The following GRP variants were observed in gnomAD, a reference collection of about 807,000 sequenced individuals.
GRP encodes the protein gastrin-releasing peptide.
Under a neutral mutation model 12.7 loss-of-function variants are expected in GRP, and 11 were observed. The ratio of observed to expected loss-of-function variants is 0.87; its 90% CI spans 0.55 to 1.44. GRP has a LOEUF of 1.44. Ranked by LOEUF, GRP falls within the 40% of genes most tolerant of loss-of-function variation. GRP has a pLI of 0.00. For synonymous variants in GRP, 84 were observed against 77.7 expected, an observed-to-expected ratio of 1.08 and a Z score of -0.43; for missense variants, 212 against 185.4, an observed-to-expected ratio of 1.14 and a Z score of -0.83.
At chr18:59,226,962 A>C (rs2069931414) in intron 2 of GRP, among the ~76,000 whole-genome samples, 1 of 126,036 alleles carries the variant, frequency 7.9e-6, no homozygotes, top group Non-Finnish European at 1.8e-5. Flanking sequence ...TTCCTTTCTT[A>C]CAAGTTCTGG....
intron 1 of GRP, among the ~76,000 whole-genome samples, chr18:59,223,941 T>A (rs1486429344): frequency 6.6e-6 from 1 of 152,220 alleles, no homozygotes. Flanking sequence ...ATAAGCAATT[T>A]GGCAAATGCT....
Position 59,220,333 on chromosome 18 carries a change from C to A in GRP, c.68C>A (p.Ala23Glu). 6.7e-7 allele frequency: 1 copy of A among 1,492,856 alleles called. No individual in the cohort carries two copies. Among genetic ancestry groups the A allele is most frequent in the Non-Finnish European group, 8.9e-7 (1 of 1,124,540 alleles). 92.5% of individuals were successfully genotyped at this position (1,492,856 alleles called of 1,614,324 possible). A position where few individuals can be genotyped will look rare whatever the true frequency, so the allele number is the denominator to read the frequency against. The change falls in exon 1 of 3, where the codon GCG (alanine) becomes GAG (glutamate). Residue 23 changes from alanine to glutamate, a missense_variant. Transcript: ENST00000256857. The part of the protein sequence containing the change: ...LVLCLAPRGR[A>E]VPLPAGGGTV... ...CTCTGCCTGGCGCCCCGGGGGCGAGCGGTCCCGCTGCCTGCGGGCGGAGGG... is the reference window on the plus strand; with the variant it reads ...CTCTGCCTGGCGCCCCGGGGGCGAGAGGTCCCGCTGCCTGCGGGCGGAGGG...
intron 1 of GRP, 90 bp from the exon 2 acceptor site, chr18:59,225,402 C>A: frequency 4.0e-6 from 5 of 1,250,060 alleles, no homozygotes. Context: ...AGCACAAACA[C>A]AATTAGCTTT....
intron 1 of GRP, 46 bp downstream of exon 1, chr18:59,220,450 TCAGC>T (rs1296102077): frequency 7.6e-7 from 1 of 1,324,150 alleles, no homozygotes; most frequent in African/African-American, 1.5e-5. Context: ...CTCCTCTGGA[TCAGC>T]CAGCCGGAGG....
At chr18:59,219,789 C>T (rs897769695), upstream of GRP, among the ~76,000 whole-genome samples, 2 of 152,114 alleles carry the variant, frequency 1.3e-5, no homozygotes, top group Non-Finnish European at 2.9e-5. Flanking sequence ...CTACACCCCC[C>T]ACCCCTCCCG....
intron 2 of GRP, among the ~76,000 whole-genome samples, chr18:59,226,912 T>C (rs1227521983): frequency 6.6e-6 from 1 of 152,152 alleles, no homozygotes; most frequent in Non-Finnish European, 1.5e-5. Context: ...GGGTCTATTC[T>C]GGTCTTTCTC....
intron 2 of GRP, among the ~76,000 whole-genome samples, chr18:59,227,125 A>G (rs1462093345): frequency 4.4e-5 from 6 of 137,636 alleles, no homozygotes; most frequent in Non-Finnish European, 7.6e-5. Context: ...AGGACTGGCT[A>G]TGTTGCCCAT....
chr18:59,219,511 A>AGGGAG (rs1449553764), upstream of GRP, among the ~76,000 whole-genome samples: 1 of 28,592 alleles, frequency 3.5e-5, no homozygotes, highest in Non-Finnish European at 6.4e-5. Context: ...GAGGAGGGGA[A>AGGGAG]GGGAGGGGAG....
At chr18:59,225,873 C>A (rs2069912900) in intron 2 of GRP, 139 bp downstream of exon 2, 1 of 661,662 alleles carries the variant, frequency 1.5e-6, no homozygotes. Context: ...ACATGCTAAG[C>A]ACATTGACAG....
intron 1 of GRP, among the ~76,000 whole-genome samples, 165 bp from the exon 2 acceptor site, chr18:59,225,327 A>C (rs2069899757): frequency 6.6e-6 from 1 of 152,200 alleles, no homozygotes; most frequent in Non-Finnish European, 1.5e-5. Context: ...AGAGAGCAAA[A>C]TCTATCTGTC....
At chr18:59,229,030 C>T (rs1263792835) in intron 2 of GRP, among the ~76,000 whole-genome samples, 1 of 152,222 alleles carries the variant, frequency 6.6e-6, no homozygotes, top group Admixed American at 6.5e-5. Context: ...GGACTGCTCT[C>T]ACTGTCTCAT....
chr18:59,223,376 T>C (rs1183172353), intron 1 of GRP, among the ~76,000 whole-genome samples: 1 of 152,216 alleles, frequency 6.6e-6, no homozygotes, highest in African/African-American at 2.4e-5. Context: ...CCTGGGATGT[T>C]ACAGATAGCG....
At chr18:59,222,433 T>C (rs1340151688) in intron 1 of GRP, among the ~76,000 whole-genome samples, 1 of 152,172 alleles carries the variant, frequency 6.6e-6, no homozygotes, top group Non-Finnish European at 1.5e-5. Flanking sequence ...TTCTCTCCCT[T>C]TGATAACTGT....
chr18:59,220,275 C>A lies in GRP; in HGVS notation c.10C>A (p.Arg4Ser), dbSNP rs1062557. 1,091,774 of 1,501,300 alleles carry A rather than the reference C, an allele frequency of 0.73. 399,319 individuals carry two copies. Among genetic ancestry groups the A allele is most frequent in the African/African-American group, 0.79 (55,011 of 69,710 alleles). 93.0% of individuals were successfully genotyped at this position (1,501,300 alleles called of 1,614,324 possible). A position where few individuals can be genotyped will look rare whatever the true frequency, so the allele number is the denominator to read the frequency against. The change falls in exon 1 of 3, where the codon CGT (arginine) becomes AGT (serine). Residue 4 changes from arginine to serine, a missense_variant. Physicochemically the swap from Arg to Ser is moderately radical, Grantham distance 110 (BLOSUM62 -1). Transcript: ENST00000256857. The part of the protein sequence containing the change: MRG[R>S]ELPLVLLALV... ...GCTTCCCGTCGGGACCATGCGCGGC[C>A]GTGAGCTCCCGCTGGTCCTGCTGGC...
At chr18:59,221,130 C>T (rs1239768634) in intron 1 of GRP, among the ~76,000 whole-genome samples, 1 of 152,272 alleles carries the variant, frequency 6.6e-6, no homozygotes, top group East Asian at 1.9e-4. Context: ...ATCTCTCTGC[C>T]CCTCTGAGCT....
At chr18:59,230,085 C>T (rs974060683) in intron 2 of GRP, among the ~76,000 whole-genome samples, 2 of 152,146 alleles carry the variant, frequency 1.3e-5, no homozygotes, top group Non-Finnish European at 2.9e-5. Context: ...GTAATCATAT[C>T]AGGATGCATG....
rs2070020639 is a variant in GRP, at chr18:59,230,678, A to G, written c.*210A>G. 6 of 549,370 alleles carry G rather than the reference A, an allele frequency of 1.1e-5. No homozygotes were observed. The highest frequency in any genetic ancestry group is 4.8e-5 in the South Asian group (2 of 42,020). 34.0% of individuals were successfully genotyped at this position (549,370 alleles called of 1,614,324 possible). A position where few individuals can be genotyped will look rare whatever the true frequency, so the allele number is the denominator to read the frequency against. On this transcript the variant is annotated 3_prime_UTR_variant, in exon 3 of 3. Coordinates refer to ENST00000256857, the MANE Select transcript of GRP (RefSeq NM_002091.5). ...AACAATTGTCGAAAAGAGTCTTCCA[A>G]TTAATGCTTTTTTATATCTAGGCTA... is the stretch of plus-strand genomic sequence containing the variant.
chr18:59,230,688 T>G lies in GRP; in HGVS notation c.*220T>G. The G allele has an allele frequency of 1.9e-6, 1 of 536,632 alleles. No homozygotes were observed. The highest frequency in any genetic ancestry group is 3.3e-6 in the Non-Finnish European group (1 of 299,418). 33.2% of individuals were successfully genotyped at this position (536,632 alleles called of 1,614,324 possible). On this transcript the variant is annotated 3_prime_UTR_variant, in exon 3 of 3. Transcript: ENST00000256857. ...GAAAAGAGTCTTCCAATTAATGCTT[T>G]TTTATATCTAGGCTACCTGTTGGTT...
chr18:59,221,833 C>T (rs1346523893), intron 1 of GRP, among the ~76,000 whole-genome samples: 1 of 152,074 alleles, frequency 6.6e-6, no homozygotes, highest in Non-Finnish European at 1.5e-5. Flanking sequence ...GTGGTTTCCA[C>T]TGTTGCTAAA....
Sources: allele counts gnomAD v4.1 joint callset (sites outside exome capture counted in the v4.1 genomes callset), GRCh38; gene constraint gnomAD v4.1.1; transcripts MANE v1.5; gene names NCBI Gene and HGNC (gene_info 2026-07-23, HGNC 2026-07-21).